ST8SIA5: variants seen among roughly 807,000 people sequenced by gnomAD.
The protein encoded by ST8SIA5 is alpha-2,8-sialyltransferase 8E.
ST8SIA5 carries 24 observed loss-of-function variants against 40.2 expected under a neutral mutation model. The ratio of observed to expected loss-of-function variants is 0.60; its 90% CI spans 0.43 to 0.84. The LOEUF (loss-of-function observed/expected upper bound fraction) is 0.84, where lower values mean the gene tolerates loss of function less well. Ranked by LOEUF, ST8SIA5 falls within the 40% of genes least tolerant of loss-of-function variation. ST8SIA5 has a pLI of 0.00. For missense variants in ST8SIA5, 465 were observed against 498.5 expected (o/e 0.93, Z 0.64); for synonymous variants, 198 against 201.8 (o/e 0.98, Z 0.16).
chr18:46,721,467 C>T, intron 1 of ST8SIA5: 1 of 1,536,066 alleles, frequency 6.5e-7, no homozygotes, highest in Non-Finnish European at 8.7e-7. Context: ...AAACTGGAGG[C>T]CTCTGGCAAG....
At chr18:46,736,794 C>T (rs1470715968) in intron 1 of ST8SIA5, among the ~76,000 whole-genome samples, 1 of 152,050 alleles carries the variant, frequency 6.6e-6, no homozygotes, top group Non-Finnish European at 1.5e-5. Context: ...ATTTTATTCT[C>T]CCAGGACACC....
intron 1 of ST8SIA5, among the ~76,000 whole-genome samples, chr18:46,725,969 AAAAATAT>A (rs1346073152): frequency 4.4e-5 from 2 of 45,620 alleles, no homozygotes; most frequent in African/African-American, 1.2e-4. Flanking sequence ...TAAAAAAAAA[AAAAATAT>A]ATATATATAT....
At chr18:46,723,610 T>G (rs184357636) in intron 1 of ST8SIA5, among the ~76,000 whole-genome samples, 3 of 150,970 alleles carry the variant, frequency 2.0e-5, no homozygotes, top group African/African-American at 7.3e-5. Context: ...AAAAAAAGAA[T>G]GCAGGGGGAA....
At chr18:46,720,931 G>A (rs1049280139) in intron 1 of ST8SIA5, among the ~76,000 whole-genome samples, 2 of 152,196 alleles carry the variant, frequency 1.3e-5, no homozygotes, top group Non-Finnish European at 2.9e-5. Context: ...CCTGTGGGCA[G>A]GGCAGGGAGT....
chr18:46,677,544 G>A lies in ST8SIA5; in HGVS notation c.*2498C>T, dbSNP rs1961774437. The A allele has an allele frequency of 6.6e-6, 1 of 152,206 alleles. No individual in the cohort carries two copies. The highest frequency in any genetic ancestry group is 1.5e-5 in the Non-Finnish European group (1 of 68,048). 9.4% of individuals were successfully genotyped at this position (152,206 alleles called of 1,614,324 possible). On this transcript the variant is annotated 3_prime_UTR_variant, in exon 7 of 7. Transcript: ENST00000315087. ...ATCATGAATGTCCCCCCAAAATAAG[G>A]ACATTGTACAGACGCTGAAGATTTT...
chr18:46,699,700 A>C lies in ST8SIA5; in HGVS notation c.224+4872T>G, dbSNP rs481297. On this transcript the variant is annotated intron_variant, in intron 2 of 6. Coordinates refer to ENST00000315087, the MANE Select transcript of ST8SIA5 (RefSeq NM_013305.6). Reference sequence around the variant, plus strand: ...AGCCTTTCTCCCTCTTTTCTTTCACAGCCTCCTGTTTGCACCCGGGTCTCA... The same window carrying C: ...AGCCTTTCTCCCTCTTTTCTTTCACCGCCTCCTGTTTGCACCCGGGTCTCA... Among the ~76,000 whole-genome samples the C allele has an allele frequency of 7.5e-3, 1,144 of 152,110 alleles. 20 individuals carry two copies. The highest frequency in any genetic ancestry group is 0.027 in the African/African-American group (1,114 of 41,506).
intron 2 of ST8SIA5, among the ~76,000 whole-genome samples, chr18:46,700,952 A>T (rs2039607468): frequency 6.6e-6 from 1 of 152,188 alleles, no homozygotes; most frequent in Admixed American, 6.5e-5. Context: ...GTTGTCCATG[A>T]CACTGAACAG....
At chr18:46,698,276 C>T (rs2039576969) in intron 2 of ST8SIA5, among the ~76,000 whole-genome samples, 2 of 151,224 alleles carry the variant, frequency 1.3e-5, no homozygotes, top group African/African-American at 4.9e-5. Context: ...CAACACCAAT[C>T]AAACCAACAA....
intron 6 of ST8SIA5, among the ~76,000 whole-genome samples, chr18:46,681,593 G>T (rs1444188721): frequency 6.6e-6 from 1 of 152,136 alleles, no homozygotes. Context: ...GCCTGCCCTG[G>T]TCACACCCTG....
At chr18:46,751,318 T>C (rs1391570825) in intron 1 of ST8SIA5, among the ~76,000 whole-genome samples, 6 of 152,200 alleles carry the variant, frequency 3.9e-5, no homozygotes, top group African/African-American at 7.2e-5. Context: ...TTCCTTTCTT[T>C]TTAAGGCCAA....
intron 5 of ST8SIA5, among the ~76,000 whole-genome samples, chr18:46,682,691 T>A (rs2039409771): frequency 6.6e-6 from 1 of 152,164 alleles, no homozygotes; most frequent in Admixed American, 6.5e-5. Flanking sequence ...AAGTTTAGGA[T>A]CTTGAGATGG....
intron 1 of ST8SIA5, among the ~76,000 whole-genome samples, chr18:46,716,568 C>T (rs1190536227): frequency 2.0e-5 from 3 of 152,176 alleles, no homozygotes; most frequent in African/African-American, 7.2e-5. Flanking sequence ...GAGGTAAGAC[C>T]CGGAGGGCCA....
chr18:46,679,996 A>G lies in ST8SIA5; in HGVS notation c.*46T>C, dbSNP rs1292448857. On this transcript the variant is annotated 3_prime_UTR_variant, in exon 7 of 7. Transcript: ENST00000315087. Reference sequence around the variant, plus strand: ...GGCTCCCAGTTCCACCAGGAGGGACAGCAGGAGAGGGGGCGCCGCTTGCCG... The same window carrying G: ...GGCTCCCAGTTCCACCAGGAGGGACGGCAGGAGAGGGGGCGCCGCTTGCCG... 7 of 1,552,834 alleles carry G rather than the reference A, an allele frequency of 4.5e-6. No homozygotes were observed. The South Asian group carries it at 7.4e-5, about 16-fold the overall frequency.
intron 1 of ST8SIA5, among the ~76,000 whole-genome samples, chr18:46,749,589 G>A (rs914225517): frequency 7.2e-5 from 11 of 152,050 alleles, no homozygotes; most frequent in Non-Finnish European, 1.6e-4. Flanking sequence ...GCATAATCAA[G>A]GTTGCTGATT....
rs1185260864 is a variant in ST8SIA5, at chr18:46,676,336, G to C, written c.*3706C>G. The C allele has an allele frequency of 1.3e-5, 2 of 152,216 alleles. No homozygotes were observed. The highest frequency in any genetic ancestry group is 1.5e-5 in the Non-Finnish European group (1 of 68,060). 9.4% of individuals were successfully genotyped at this position (152,216 alleles called of 1,614,324 possible). A position where few individuals can be genotyped will look rare whatever the true frequency, so the allele number is the denominator to read the frequency against. ...CACACACACCAGACCACAAACTCCCGGAGGGCAGGGACGACGTTTTGTTCA... is the reference window on the plus strand; with the variant it reads ...CACACACACCAGACCACAAACTCCCCGAGGGCAGGGACGACGTTTTGTTCA... On this transcript the variant is annotated 3_prime_UTR_variant, in exon 7 of 7. Transcript: ENST00000315087.
At chr18:46,703,836 G>A (rs1319872890) in intron 2 of ST8SIA5, among the ~76,000 whole-genome samples, 1 of 152,164 alleles carries the variant, frequency 6.6e-6, no homozygotes, top group East Asian at 1.9e-4. Context: ...TGAATTCATG[G>A]CAGTTCTGTG....
Position 46,733,461 on chromosome 18 carries a change from G to C in ST8SIA5, c.131+22917C>G, listed in dbSNP as rs532220641. Among the ~76,000 whole-genome samples the C allele has an allele frequency of 2.6e-5, 4 of 152,158 alleles. No homozygotes were observed. In the East Asian group the frequency reaches 7.7e-4, roughly 29 times the overall value. On this transcript the variant is annotated intron_variant, in intron 1 of 6. Coordinates refer to ENST00000315087, the MANE Select transcript of ST8SIA5 (RefSeq NM_013305.6). ...CAGCCATCCCAGGCCACATACTGAG[G>C]CTCAACAGCGAGCAAGCCACCAAAG...
At chr18:46,746,195 T>C (rs1471060379) in intron 1 of ST8SIA5, among the ~76,000 whole-genome samples, 1 of 152,204 alleles carries the variant, frequency 6.6e-6, no homozygotes, top group Non-Finnish European at 1.5e-5. Flanking sequence ...CTATTCAACA[T>C]AGTGTTGGAA....
At chr18:46,744,111 T>C (rs994623017) in intron 1 of ST8SIA5, among the ~76,000 whole-genome samples, 1 of 152,164 alleles carries the variant, frequency 6.6e-6, no homozygotes, top group Non-Finnish European at 1.5e-5. Flanking sequence ...TGCAAAAACA[T>C]GCCAAATTGT....
Sources: gnomAD v4.1 joint callset for allele counts (sites outside exome capture counted in the v4.1 genomes callset) on GRCh38, gnomAD v4.1.1 for gene constraint, MANE v1.5 for transcripts, NCBI Gene and HGNC (gene_info 2026-07-23, HGNC 2026-07-21) for gene names.